The following PCDHA7 variants were observed in gnomAD, a reference collection of about 807,000 sequenced individuals.
PCDHA7 encodes protocadherin alpha 7.
In PCDHA7, 37 loss-of-function variants were observed where a neutral mutation model predicts 57.2. That is an observed-to-expected ratio of 0.65 (90% CI 0.50 to 0.85). The LOEUF (loss-of-function observed/expected upper bound fraction) is 0.85, where lower values mean the gene tolerates loss of function less well. PCDHA7 is among the 40% of genes least tolerant of loss of function. The pLI is 0.00. For missense variants in PCDHA7, 1,188 were observed against 1,241.8 expected, an observed-to-expected ratio of 0.96 and a Z score of 0.65; for synonymous variants, 553 against 558.8, an observed-to-expected ratio of 0.99 and a Z score of 0.15.
intron 1 of PCDHA7, among the ~76,000 whole-genome samples, chr5:140,971,478 A>C (rs111781444): frequency 3.5e-4 from 53 of 152,260 alleles, no homozygotes; most frequent in African/African-American, 1.3e-3. Flanking sequence ...AGAGAGTGTC[A>C]CATTGTTACA....
At position 140,876,440 on chromosome 5, in the gene PCDHA7, T is replaced by C. The variant is rs369023443; in HGVS notation, c.2355+39702T>C. 23 of 1,613,876 alleles carry C rather than the reference T, an allele frequency of 1.4e-5. No individual in the cohort carries two copies. In the Admixed American group the frequency reaches 1.5e-4, roughly 11 times the overall value. On this transcript the variant is annotated intron_variant, in intron 1 of 3. Transcript: ENST00000525929. ...GCCTATGAAATTCAGGTTAACGCCA[T>C]TGATAAAGGGATTCCTTCCATGGCA...
Position 140,884,013 on chromosome 5 carries a change from C to T in PCDHA7, c.2355+47275C>T, listed in dbSNP as rs148971741. The T allele has an allele frequency of 5.1e-5, 82 of 1,613,132 alleles. No homozygotes were observed. The African/African-American group carries it at 9.2e-4, about 18-fold the overall frequency. On this transcript the variant is annotated intron_variant, in intron 1 of 3. Transcript: ENST00000525929. ...GGAGGCACAGTGAGCGAGCTGATGC[C>T]GCGGTCGGTGGGTGCAGGCCACGTG...
At chr5:140,870,564 G>C (rs782511789) in intron 1 of PCDHA7, 83 of 1,613,882 alleles carry the variant, frequency 5.1e-5, no homozygotes, top group Admixed American at 3.3e-4. Context: ...AGGAGAACGC[G>C]CTGGTGTCCT....
intron 1 of PCDHA7, chr5:140,870,960 C>A: frequency 6.2e-7 from 1 of 1,613,670 alleles, no homozygotes. Flanking sequence ...GCTCGCGCAT[C>A]CCGTTCCGCG....
intron 1 of PCDHA7, chr5:140,860,433 T>C (rs2046395592): frequency 6.6e-6 from 1 of 152,064 alleles, no homozygotes; most frequent in Non-Finnish European, 1.5e-5. Context: ...GCAAATATGA[T>C]CTTTTTCATA....
Position 140,848,404 on chromosome 5 carries a change from G to T in PCDHA7, c.2355+11666G>T, listed in dbSNP as rs2150409981. The stretch of plus-strand genomic sequence containing the variant: ...TTCACTCTCTCTGTGCTGAACGATG[G>T]CGAACACAGCAGAATGGGACTGACG... On this transcript the variant is annotated intron_variant, in intron 1 of 3. Coordinates refer to ENST00000525929, the MANE Select transcript of PCDHA7 (RefSeq NM_018910.3). 7 of 1,324,350 alleles carry T rather than the reference G, an allele frequency of 5.3e-6. 2 individuals are homozygous for T. In the Admixed American group the frequency reaches 1.3e-4, roughly 24 times the overall value. 82.0% of individuals were successfully genotyped at this position (1,324,350 alleles called of 1,614,324 possible).
chr5:140,983,239 C>CCTGCTAAGTTGTGTAAAAAA (rs1261909895), intron 3 of PCDHA7, among the ~76,000 whole-genome samples: 1 of 152,176 alleles, frequency 6.6e-6, no homozygotes, highest in Non-Finnish European at 1.5e-5. Flanking sequence ...GGAAAGAGAA[C>CCTGCTAAGTTGTGTAAAAAA]CTGCTAAGTT....
Position 140,842,387 on chromosome 5 carries a change from T to G in PCDHA7, c.2355+5649T>G, listed in dbSNP as rs2150335066. Reference sequence around the variant, plus strand: ...CCCTGAGATAGCACTGACTTCCTTATCCTTGCCTGTACGTGAAGACGCTCA... The same window carrying G: ...CCCTGAGATAGCACTGACTTCCTTAGCCTTGCCTGTACGTGAAGACGCTCA... On this transcript the variant is annotated intron_variant, in intron 1 of 3. Transcript: ENST00000525929. 4.3e-6 allele frequency: 7 copies of G among 1,611,016 alleles called. No individual in the cohort carries two copies. In the East Asian group the frequency reaches 1.6e-4, roughly 36 times the overall value.
At chr5:140,871,308 G>GC (rs2052955236) in intron 1 of PCDHA7, 1 of 1,613,880 alleles carries the variant, frequency 6.2e-7, no homozygotes. Flanking sequence ...CGCCGGGGAA[G>GC]CCCACGCTGG....
chr5:140,835,513 G>C lies in PCDHA7; in HGVS notation c.1130G>C (p.Arg377Pro). ...ATCACATTGATTAGCGTGTTTGACC[G>C]AGATTTTGGAGTCAACGGACAGGTT... ...TVITLISVFDRDFGVNGQVTC... is the reference protein window; with the variant it reads ...TVITLISVFDPDFGVNGQVTC... Residue 377 changes from arginine to proline, a missense_variant, in exon 1 of 4, where the codon CGA (arginine) becomes CCA (proline). This residue lies in a region of PCDHA7 where 892 missense variants were observed against 788.5 expected (regional missense o/e 1.13). Coordinates refer to ENST00000525929, the MANE Select transcript of PCDHA7 (RefSeq NM_018910.3). The C allele has an allele frequency of 3.1e-6, 5 of 1,613,936 alleles. No individual in the cohort carries two copies. The highest frequency in any genetic ancestry group is 4.2e-6 in the Non-Finnish European group (5 of 1,179,874).
At chr5:140,859,846 T>C (rs1156718746) in intron 1 of PCDHA7, 1 of 152,114 alleles carries the variant, frequency 6.6e-6, no homozygotes. Context: ...TTTTATCAAA[T>C]AGGTTTATGA....
chr5:140,857,341 G>T (rs782659858), intron 1 of PCDHA7: 1 of 1,598,438 alleles, frequency 6.3e-7, no homozygotes, highest in South Asian at 1.1e-5. Flanking sequence ...ACGGGGGCTC[G>T]CCTCCGCTGT....
At chr5:140,869,419 C>T (rs782550413) in intron 1 of PCDHA7, 4 of 1,614,078 alleles carry the variant, frequency 2.5e-6, no homozygotes, top group Non-Finnish European at 3.4e-6. Context: ...CAGCATCCAC[C>T]TGGAGGTGAT....
intron 1 of PCDHA7, among the ~76,000 whole-genome samples, chr5:140,912,376 G>A (rs2075897019): frequency 6.6e-6 from 1 of 151,474 alleles, no homozygotes; most frequent in African/African-American, 2.4e-5. Context: ...TTGTAAAAGG[G>A]ATTGAGTTCT....
rs1219444085 is a variant in PCDHA7 at position 141,010,861 on chromosome 5, A to G, written c.*924A>G. On this transcript the variant is annotated 3_prime_UTR_variant, in exon 4 of 4. Coordinates refer to ENST00000525929, the MANE Select transcript of PCDHA7 (RefSeq NM_018910.3). ...ATTTATTTAAAAAAAGAGAAAGTCTATAGCTATAAATCTTTAAAGAGAAAT... is the reference window on the plus strand; with the variant it reads ...ATTTATTTAAAAAAAGAGAAAGTCTGTAGCTATAAATCTTTAAAGAGAAAT... 9.1e-5 allele frequency: 14 copies of G among 153,794 alleles called. No individual in the cohort carries two copies. Among genetic ancestry groups the G allele is most frequent in the African/African-American group, 3.1e-4 (13 of 41,468 alleles). 9.5% of individuals were successfully genotyped at this position (153,794 alleles called of 1,614,324 possible).
chr5:140,882,309 T>C (rs745321942), intron 1 of PCDHA7: 1 of 1,614,090 alleles, frequency 6.2e-7, no homozygotes, highest in Non-Finnish European at 8.5e-7. Flanking sequence ...CCGCGGCAAC[T>C]ACTGCTCTGG....
intron 1 of PCDHA7, chr5:140,877,686 G>T (rs1554169986): frequency 6.2e-7 from 1 of 1,613,818 alleles, no homozygotes; most frequent in Non-Finnish European, 8.5e-7. Flanking sequence ...GCAAGCCCAC[G>T]CTGGTGTGCT....
At chr5:140,992,637 G>A (rs31872) in intron 3 of PCDHA7, among the ~76,000 whole-genome samples, 103,738 of 151,942 alleles carry the variant, frequency 0.68, 36,576 homozygotes, top group African/African-American at 0.86. Flanking sequence ...AACTTCCCTG[G>A]AAAATAGAAG....
intron 1 of PCDHA7, among the ~76,000 whole-genome samples, chr5:140,970,714 A>C (rs1554232672): frequency 6.6e-6 from 1 of 152,220 alleles, no homozygotes; most frequent in Non-Finnish European, 1.5e-5. Flanking sequence ...CAATGTGTGA[A>C]CAATATTTGT....
Sources: allele counts gnomAD v4.1 joint callset (sites outside exome capture counted in the v4.1 genomes callset), GRCh38; gene constraint gnomAD v4.1.1; regional missense constraint gnomAD v4.1.1; transcripts MANE v1.5; gene names NCBI Gene and HGNC (gene_info 2026-07-23, HGNC 2026-07-21).